RNLS: variants seen among roughly 807,000 people sequenced by gnomAD.
The protein encoded by RNLS is renalase, FAD dependent amine oxidase.
Under a neutral mutation model 39.8 loss-of-function variants are expected in RNLS, and 39 were observed. The ratio of observed to expected loss-of-function variants is 0.98; its 90% CI spans 0.76 to 1.28. The LOEUF is 1.28. Ranked by LOEUF, RNLS falls within the 50% of genes most tolerant of loss-of-function variation. RNLS has a pLI of 0.00. For synonymous variants in RNLS, 147 were observed against 150.7 expected (o/e 0.98, Z 0.18); for missense variants, 410 against 413.3 (o/e 0.99, Z 0.07).
At chr10:88,417,879 G>A (rs1044100593) in intron 4 of RNLS, among the ~76,000 whole-genome samples, 2 of 152,140 alleles carry the variant, frequency 1.3e-5, no homozygotes, top group Non-Finnish European at 2.9e-5. Flanking sequence ...ATGCAGATAC[G>A]AATACTGTTT....
chr10:88,230,772 G>T, the RNLS span, among the ~76,000 whole-genome samples: 2 of 152,206 alleles, frequency 1.3e-5, no homozygotes, highest in African/African-American at 4.8e-5. Context: ...TTGTGTGTCA[G>T]TGCTGTTCTA....
At chr10:88,286,211 C>T (rs372147240) in intron 6 of RNLS, among the ~76,000 whole-genome samples, 43 of 152,224 alleles carry the variant, frequency 2.8e-4, no homozygotes, top group African/African-American at 8.2e-4. Flanking sequence ...ATTTCCTGAG[C>T]GCTGTTCTGG....
the RNLS span, among the ~76,000 whole-genome samples, chr10:88,234,462 A>G: frequency 6.6e-6 from 1 of 152,104 alleles, no homozygotes; most frequent in Non-Finnish European, 1.5e-5. Context: ...GAGGGCAAGT[A>G]TTTGCCAAGT....
the RNLS span, among the ~76,000 whole-genome samples, chr10:88,231,161 C>G: frequency 6.6e-6 from 1 of 152,316 alleles, no homozygotes. Context: ...CTCAGTACCT[C>G]AGAATGTGAC....
At chr10:88,172,272 C>T in the RNLS span, among the ~76,000 whole-genome samples, 5 of 152,138 alleles carry the variant, frequency 3.3e-5, no homozygotes, top group Non-Finnish European at 1.5e-5. Flanking sequence ...AGTGGCTGTA[C>T]TAATTTATAT....
At chr10:88,235,832 GT>G in the RNLS span, among the ~76,000 whole-genome samples, 1 of 151,116 alleles carries the variant, frequency 6.6e-6, no homozygotes, top group Admixed American at 6.6e-5. Flanking sequence ...CTGTTGTTTT[GT>G]TTTTTTGTTT....
the RNLS span, among the ~76,000 whole-genome samples, chr10:88,213,257 C>T: frequency 2.6e-5 from 4 of 152,060 alleles, no homozygotes; most frequent in South Asian, 2.1e-4. Flanking sequence ...ATTGAACAAA[C>T]GATGTACTGT....
At chr10:88,294,538 A>T (rs968173625) in intron 6 of RNLS, among the ~76,000 whole-genome samples, 1 of 152,140 alleles carries the variant, frequency 6.6e-6, no homozygotes, top group Non-Finnish European at 1.5e-5. Flanking sequence ...ATTTACCCTT[A>T]ACGTTCTCCT....
At chr10:88,379,339 G>T (rs1348879609) in intron 4 of RNLS, among the ~76,000 whole-genome samples, 1 of 152,070 alleles carries the variant, frequency 6.6e-6, no homozygotes, top group African/African-American at 2.4e-5. Context: ...TAGTAAAATG[G>T]CCAGTTTAAT....
chr10:88,384,390 A>G (rs1251819328), intron 4 of RNLS, among the ~76,000 whole-genome samples: 1 of 152,230 alleles, frequency 6.6e-6, no homozygotes, highest in Non-Finnish European at 1.5e-5. Context: ...TGTAGTTATA[A>G]TTCCCATTTT....
intron 6 of RNLS, among the ~76,000 whole-genome samples, chr10:88,275,935 T>C (rs1004087448): frequency 3.9e-5 from 6 of 152,078 alleles, no homozygotes; most frequent in Admixed American, 2.0e-4. Flanking sequence ...GTGCCTGTAG[T>C]CCCAGCTATT....
At chr10:88,560,333 A>AC (rs935771611) in intron 4 of RNLS, among the ~76,000 whole-genome samples, 4 of 152,188 alleles carry the variant, frequency 2.6e-5, no homozygotes, top group Non-Finnish European at 1.5e-5. Context: ...CAAAAAAAAA[A>AC]CCCAGTAATG....
chr10:88,352,371 C>T (rs557790137), intron 5 of RNLS, among the ~76,000 whole-genome samples: 149 of 152,158 alleles, frequency 9.8e-4, no homozygotes, highest in African/African-American at 3.2e-3. Context: ...TGAGATACAT[C>T]CCATCAATAC....
At chr10:88,175,993 G>T in the RNLS span, among the ~76,000 whole-genome samples, 4 of 151,908 alleles carry the variant, frequency 2.6e-5, no homozygotes, top group Admixed American at 6.6e-5. Context: ...GACCTTCTTT[G>T]TCTCTTTTTA....
the RNLS span, among the ~76,000 whole-genome samples, chr10:88,240,415 A>T: frequency 0.34 from 38,991 of 116,040 alleles, 5,225 homozygotes; most frequent in South Asian, 0.38. Flanking sequence ...CCTTTTTTTA[A>T]AAAAAAAAAA....
intron 5 of RNLS, among the ~76,000 whole-genome samples, chr10:88,331,987 C>T (rs1185915505): frequency 6.6e-6 from 1 of 151,986 alleles, no homozygotes; most frequent in Non-Finnish European, 1.5e-5. Context: ...GTCTCTCTCT[C>T]CTCTTTCTTG....
the RNLS span, among the ~76,000 whole-genome samples, chr10:88,200,355 C>A: frequency 6.6e-6 from 1 of 152,158 alleles, no homozygotes; most frequent in Non-Finnish European, 1.5e-5. Flanking sequence ...CTCCTTTAAC[C>A]CTTTAACCAG....
At chr10:88,465,125 C>G (rs1197569675) in intron 4 of RNLS, among the ~76,000 whole-genome samples, 1 of 151,990 alleles carries the variant, frequency 6.6e-6, no homozygotes, top group African/African-American at 2.4e-5. Flanking sequence ...ATTGAATACT[C>G]AATAAATATT....
chr10:88,506,764 G>A (rs1374854852), intron 4 of RNLS, among the ~76,000 whole-genome samples: 2 of 152,034 alleles, frequency 1.3e-5, no homozygotes, highest in Non-Finnish European at 2.9e-5. Flanking sequence ...TTGGAAAAGG[G>A]TGAGTATTCT....
Sources: gnomAD v4.1 joint callset for allele counts (sites outside exome capture counted in the v4.1 genomes callset) on GRCh38, gnomAD v4.1.1 for gene constraint, MANE v1.5 for transcripts, NCBI Gene and HGNC (gene_info 2026-07-23, HGNC 2026-07-21) for gene names.